MYOCD: variants seen among roughly 807,000 people sequenced by gnomAD.
MYOCD encodes myocardin.
Under a neutral mutation model 96.1 loss-of-function variants are expected in MYOCD, and 32 were observed. The ratio of observed to expected loss-of-function variants is 0.33; its 90% confidence interval spans 0.25 to 0.45. The LOEUF (loss-of-function observed/expected upper bound fraction) is 0.45. MYOCD is among the 20% of genes least tolerant of loss of function. MYOCD has a pLI of 1.00. For synonymous variants in MYOCD, 469 were observed against 469.0 expected, an observed-to-expected ratio of 1.00 and a Z score of 0.00; for missense variants, 1,133 against 1,200.6, an observed-to-expected ratio of 0.94 and a Z score of 0.83.
chr17:12,694,901 AAAG>A (rs2030666856), intron 1 of MYOCD, among the ~76,000 whole-genome samples: 1 of 150,126 alleles, frequency 6.7e-6, no homozygotes, highest in African/African-American at 2.5e-5. Context: ...AAAAAAAAAA[AAAG>A]GAAAGAAATT....
chr17:12,741,998 T>A (rs1045173464), intron 7 of MYOCD, among the ~76,000 whole-genome samples: 2 of 152,046 alleles, frequency 1.3e-5, no homozygotes, highest in East Asian at 3.9e-4. Context: ...TTCTGGAATG[T>A]GCTAAGGCAA....
intron 9 of MYOCD, among the ~76,000 whole-genome samples, chr17:12,748,289 GATA>G (rs1189269648): frequency 6.6e-6 from 1 of 152,082 alleles, no homozygotes; most frequent in Non-Finnish European, 1.5e-5. Context: ...TTTAAGGTGT[GATA>G]ATGTTATTAT....
Position 12,736,282 on chromosome 17 carries a change from G to A in MYOCD, c.537G>A (p.Pro179=), listed in dbSNP as rs79512286. ...ACCCCCAAAACTCAGCGGGATCCCC[G>A]CCAGACGCTAAAGCCTCAGATACCC... ...SEDPQNSAGS[P]PDAKASDTPS... The change falls in exon 6 of 14, where the codon CCG becomes CCA. Residue 179 remains proline (P), a synonymous_variant. Coordinates refer to ENST00000425538, the MANE Select transcript of MYOCD (RefSeq NM_001146312.3). 598 of 1,614,158 alleles carry A rather than the reference G, an allele frequency of 3.7e-4. 1 individual carries two copies. The highest frequency in any genetic ancestry group is 2.6e-3 in the Middle Eastern group (16 of 6,062).
At position 12,675,856 on chromosome 17, in the gene MYOCD, CTCAATCAA is replaced by C. The variant is rs373008700; in HGVS notation, c.55+9633_55+9640del. Among the ~76,000 whole-genome samples the C allele has an allele frequency of 4.7e-4, 71 of 152,246 alleles. No homozygotes were observed. The East Asian group carries it at 0.011, about 23-fold the overall frequency. Reference sequence around the variant, plus strand: ...CCTGGGTGACAGAGCAAGACTCCGTCTCAATCAATCAATCAATCAATCAATCATATTTA... The same window carrying C: ...CCTGGGTGACAGAGCAAGACTCCGTCTCAATCAATCAATCAATCATATTTA... On this transcript the variant is annotated intron_variant, in intron 1 of 13. Coordinates refer to ENST00000425538, the MANE Select transcript of MYOCD (RefSeq NM_001146312.3).
chr17:12,737,027 G>A (rs1213946868), intron 6 of MYOCD, among the ~76,000 whole-genome samples: 2 of 152,180 alleles, frequency 1.3e-5, no homozygotes, highest in Admixed American at 6.5e-5. Context: ...GGCTGAGGCG[G>A]GCGGATCACC....
intron 7 of MYOCD, among the ~76,000 whole-genome samples, chr17:12,740,266 C>T (rs2032468176): frequency 6.6e-6 from 1 of 152,146 alleles, no homozygotes; most frequent in African/African-American, 2.4e-5. Context: ...TTGTAGTGCA[C>T]CCGTCACCTG....
At chr17:12,694,645 T>C (rs2030648136) in intron 1 of MYOCD, among the ~76,000 whole-genome samples, 1 of 152,056 alleles carries the variant, frequency 6.6e-6, no homozygotes, top group Non-Finnish European at 1.5e-5. Flanking sequence ...GGTCATACTT[T>C]GTGGGAAGAT....
chr17:12,676,575 G>A (rs1164763058), intron 1 of MYOCD, among the ~76,000 whole-genome samples: 2 of 151,894 alleles, frequency 1.3e-5, no homozygotes, highest in African/African-American at 2.4e-5. Flanking sequence ...GGAGTGATGG[G>A]GAGTGGGTTA....
chr17:12,702,586 T>A (rs1446578412), intron 1 of MYOCD, among the ~76,000 whole-genome samples: 2 of 152,030 alleles, frequency 1.3e-5, no homozygotes, highest in African/African-American at 4.8e-5. Flanking sequence ...ATTATATTAC[T>A]TGTTTTTTGT....
intron 1 of MYOCD, among the ~76,000 whole-genome samples, chr17:12,676,046 T>G (rs959583679): frequency 6.6e-6 from 1 of 152,016 alleles, no homozygotes; most frequent in Non-Finnish European, 1.5e-5. Flanking sequence ...TAAATACGCC[T>G]AAAACATAAG....
At chr17:12,682,792 TTTGA>T (rs1480230841) in intron 1 of MYOCD, among the ~76,000 whole-genome samples, 5 of 152,202 alleles carry the variant, frequency 3.3e-5, no homozygotes, top group African/African-American at 1.2e-4. Flanking sequence ...CCCAGAAGTC[TTTGA>T]TTGGTAGAAC....
intron 7 of MYOCD, 71 bp downstream of exon 7, chr17:12,739,399 C>T: frequency 6.8e-7 from 1 of 1,470,608 alleles, no homozygotes; most frequent in Admixed American, 2.6e-5. Flanking sequence ...GCAGAACTTT[C>T]TGAGTTAGGT....
At chr17:12,707,885 T>A (rs192687085) in intron 2 of MYOCD, among the ~76,000 whole-genome samples, 4 of 152,312 alleles carry the variant, frequency 2.6e-5, no homozygotes, top group African/African-American at 9.6e-5. Flanking sequence ...GAAAAGTTAA[T>A]CATCCTCAGA....
chr17:12,746,222 T>C, intron 9 of MYOCD, 150 bp downstream of exon 9: 2 of 841,326 alleles, frequency 2.4e-6, no homozygotes. Flanking sequence ...GAATTTATCC[T>C]GCTGTGGTTG....
intron 3 of MYOCD, among the ~76,000 whole-genome samples, chr17:12,716,983 CTCAAAAAAAAAAAAAAAA>C (rs1266297000): frequency 1.8e-5 from 1 of 55,694 alleles, no homozygotes; most frequent in Non-Finnish European, 3.1e-5. Flanking sequence ...GAGATGCTGT[CTCAAAAAAAAAAAAAAAA>C]AAAAAAAAAA....
chr17:12,686,817 G>A (rs1212168205), intron 1 of MYOCD, among the ~76,000 whole-genome samples: 2 of 152,222 alleles, frequency 1.3e-5, no homozygotes, highest in Non-Finnish European at 2.9e-5. Flanking sequence ...TCCCTCTGCT[G>A]CTGTTGCCAA....
At chr17:12,683,100 A>G (rs1597730798) in intron 1 of MYOCD, among the ~76,000 whole-genome samples, 2 of 152,070 alleles carry the variant, frequency 1.3e-5, no homozygotes, top group Admixed American at 6.6e-5. Flanking sequence ...TCTGTGCTCC[A>G]TCTTCTCCCG....
intron 1 of MYOCD, among the ~76,000 whole-genome samples, chr17:12,667,229 G>A (rs1802200791): frequency 6.6e-6 from 1 of 152,212 alleles, no homozygotes; most frequent in Non-Finnish European, 1.5e-5. Flanking sequence ...GGGATGGATG[G>A]TTCAAAAAGG....
rs71144920 is a variant in MYOCD at position 12,719,174 on chromosome 17, C to CAAAAAAAAAAAAAA, written c.253+1770_253+1783dup. On this transcript the variant is annotated intron_variant, in intron 4 of 13. Transcript: ENST00000425538. Reference sequence around the variant, plus strand: ...GGGGCCACAGAGGGAGACTCTGTCTCAAAAAAAAAAAAAAAAAAAAAAAAA... The same window carrying CAAAAAAAAAAAAAA: ...GGGGCCACAGAGGGAGACTCTGTCTCAAAAAAAAAAAAAAAAAAAAAAAAAAAAAAAAAAAAAAA... Among the ~76,000 whole-genome samples, 77 of 49,156 alleles carry CAAAAAAAAAAAAAA rather than the reference C, an allele frequency of 1.6e-3. 2 individuals carry two copies. The highest frequency in any genetic ancestry group is 1.8e-3 in the Non-Finnish European group (58 of 31,538). 32.2% of individuals were successfully genotyped at this position (49,156 alleles called of 152,430 possible). A position where few individuals can be genotyped will look rare whatever the true frequency, so the allele number is the denominator to read the frequency against.
Sources: allele counts gnomAD v4.1 joint callset (sites outside exome capture counted in the v4.1 genomes callset), GRCh38; gene constraint gnomAD v4.1.1; transcripts MANE v1.5; gene names NCBI Gene and HGNC (gene_info 2026-07-23, HGNC 2026-07-21).